ZBTB10: variants seen among roughly 807,000 people sequenced by gnomAD.
ZBTB10 encodes the protein zinc finger and BTB domain containing 10, also known as zinc finger and BTB domain-containing protein 10.
ZBTB10 carries 32 observed loss-of-function variants against 76.4 expected under a neutral mutation model. The ratio of observed to expected loss-of-function variants is 0.42; its 90% confidence interval spans 0.32 to 0.56. The LOEUF is 0.56. Ranked by LOEUF, ZBTB10 falls within the 20% of genes least tolerant of loss-of-function variation. ZBTB10 has a pLI of 0.14. For synonymous variants in ZBTB10, 523 were observed against 432.9 expected, an observed-to-expected ratio of 1.21 and a Z score of -2.58; for missense variants, 1,057 against 1,098.5, an observed-to-expected ratio of 0.96 and a Z score of 0.53.
chr8:80,486,906 C>A lies in ZBTB10; in HGVS notation c.96C>A (p.Gly32=). The A allele has an allele frequency of 6.6e-7, 1 of 1,510,332 alleles. No individual in the cohort carries two copies. Among genetic ancestry groups the A allele is most frequent in the Non-Finnish European group, 8.8e-7 (1 of 1,132,868 alleles). The allele number at this position is 1,510,332 out of a possible 1,614,324, so 93.6% of individuals were successfully genotyped here. Residue 32 remains glycine (G), a synonymous_variant, in exon 1 of 6, where the codon GGC becomes GGA. Coordinates refer to ENST00000455036, the MANE Select transcript of ZBTB10 (RefSeq NM_001105539.3). Reference sequence around the variant, plus strand: ...GCGGCTCCACGAACAATAACGCTGGCGGGGAGGCCTCAGCTTGGCCTCCGC... The same window carrying A: ...GCGGCTCCACGAACAATAACGCTGGAGGGGAGGCCTCAGCTTGGCCTCCGC... The part of the protein sequence containing the change: ...SGGGSTNNNA[G]GEASAWPPQP...
At position 80,521,138 on chromosome 8, in the gene ZBTB10, T is replaced by C. The variant is rs1225874978; in HGVS notation, c.*1610T>C. ...TTAAGAGACAAGCTTTATCATTGTC[T>C]CTGATTTCAGTAGAATAATGGTTTA... On this transcript the variant is annotated 3_prime_UTR_variant, in exon 6 of 6. Transcript: ENST00000455036. 1.3e-5 allele frequency: 2 copies of C among 151,946 alleles called. No homozygotes were observed. The highest frequency in any genetic ancestry group is 6.6e-5 in the Admixed American group (1 of 15,252). 9.4% of individuals were successfully genotyped at this position (151,946 alleles called of 1,614,324 possible).
chr8:80,487,070 C>G lies in ZBTB10; in HGVS notation c.260C>G (p.Ala87Gly). Reference sequence around the variant, plus strand: ...GCCTCCGCCGGGCCGGCCGCCGGCGCCGCCGAGGAAGCCAAGGAGTTGCTG... The same window carrying G: ...GCCTCCGCCGGGCCGGCCGCCGGCGGCGCCGAGGAAGCCAAGGAGTTGCTG... The part of the protein sequence containing the change: ...LEASAGPAAG[A>G]AEEAKELLLP... The change falls in exon 1 of 6, where the codon GCC becomes GGC. Residue 87 changes from alanine to glycine, a missense_variant. By Grantham distance (60) the Ala-to-Gly change is moderately conservative. This residue lies in a region of ZBTB10 where 556 missense variants were observed against 451.7 expected (regional missense o/e 1.23). Coordinates refer to ENST00000455036, the MANE Select transcript of ZBTB10 (RefSeq NM_001105539.3). 1 of 1,515,908 alleles carries G rather than the reference C, an allele frequency of 6.6e-7. No homozygotes were observed. 93.9% of individuals were successfully genotyped at this position (1,515,908 alleles called of 1,614,324 possible).
At position 80,486,586 on chromosome 8, in the gene ZBTB10, G is replaced by T. The variant is rs1743956515; in HGVS notation, c.-225G>T. 2 of 986,804 alleles carry T rather than the reference G, an allele frequency of 2.0e-6. No homozygotes were observed. Among genetic ancestry groups the T allele is most frequent in the Non-Finnish European group, 2.4e-6 (2 of 831,172 alleles). 61.1% of individuals were successfully genotyped at this position (986,804 alleles called of 1,614,324 possible). ...GGCGGGGGTGGAGGACGAGAGAGCGGTCGGAGGCGTCGGCCCGGCAGCGGC... is the reference window on the plus strand; with the variant it reads ...GGCGGGGGTGGAGGACGAGAGAGCGTTCGGAGGCGTCGGCCCGGCAGCGGC... On this transcript the variant is annotated 5_prime_UTR_variant, in exon 1 of 6. Transcript: ENST00000455036.
rs968422939 is a variant in ZBTB10, at chr8:80,486,474, C to G, written c.-337C>G. 2.0e-6 allele frequency: 2 copies of G among 985,124 alleles called. No homozygotes were observed. Among genetic ancestry groups the G allele is most frequent in the Admixed American group, 6.1e-5 (1 of 16,274 alleles). The allele number at this position is 985,124 out of a possible 1,614,324, so 61.0% of individuals were successfully genotyped here. On this transcript the variant is annotated 5_prime_UTR_variant, in exon 1 of 6. Transcript: ENST00000455036. ...CTCCCCGCACTCCGCTGCTCAACTT[C>G]GAAGGCCTCGCTCGCTGCAGGCTCG...
chr8:80,518,260 G>A, intron 3 of ZBTB10, 143 bp from the exon 4 acceptor site: 1 of 767,008 alleles, frequency 1.3e-6, no homozygotes, highest in Non-Finnish European at 1.9e-6. Flanking sequence ...CTCAATTTTA[G>A]ACTAAAATAC....
At chr8:80,491,962 A>C (rs987299802) in intron 1 of ZBTB10, among the ~76,000 whole-genome samples, 1 of 152,226 alleles carries the variant, frequency 6.6e-6, no homozygotes, top group Non-Finnish European at 1.5e-5. Flanking sequence ...GTTGGAATAT[A>C]TTGATGTCAG....
intron 1 of ZBTB10, among the ~76,000 whole-genome samples, chr8:80,493,993 C>A (rs975219993): frequency 6.1e-4 from 93 of 152,310 alleles, no homozygotes; most frequent in African/African-American, 2.2e-3. Context: ...GTCTTTTTCT[C>A]TACCAACTGT....
At chr8:80,516,521 A>G (rs1816329302) in intron 3 of ZBTB10, among the ~76,000 whole-genome samples, 2 of 152,190 alleles carry the variant, frequency 1.3e-5, no homozygotes, top group South Asian at 2.1e-4. Context: ...ACAGGCTACC[A>G]CTTCCGTTCC....
chr8:80,518,491 C>G lies in ZBTB10; in HGVS notation c.2049C>G (p.Phe683Leu). The change falls in exon 4 of 6, where the codon TTC becomes TTG. Residue 683 changes from phenylalanine to leucine, a missense_variant. Physicochemically the swap from Phe to Leu is conservative, Grantham distance 22. Coordinates refer to ENST00000455036, the MANE Select transcript of ZBTB10 (RefSeq NM_001105539.3). Reference protein sequence around the residue: ...YGLIPGTSNDFKYGLIPGASN... With the variant: ...YGLIPGTSNDLKYGLIPGASN... ...TGATACCAGGTACTTCAAATGATTT[C>G]AAGTATGGATTGATACCAGGTGCTT... 2 of 1,553,396 alleles carry G rather than the reference C, an allele frequency of 1.3e-6. No individual in the cohort carries two copies.
At chr8:80,510,466 A>G (rs1206171106) in intron 2 of ZBTB10, among the ~76,000 whole-genome samples, 1 of 152,244 alleles carries the variant, frequency 6.6e-6, no homozygotes, top group Non-Finnish European at 1.5e-5. Context: ...TGCCGGATGC[A>G]TACAATCCAT....
In ZBTB10 at chr8:80,500,164, A is replaced by G. The variant is rs200512854; in HGVS notation, c.1643A>G (p.Glu548Gly). 208 of 1,612,700 alleles carry G rather than the reference A, an allele frequency of 1.3e-4. 1 individual carries two copies. Among genetic ancestry groups the G allele is most frequent in the South Asian group, 1.9e-4 (17 of 90,946 alleles). ...WVQDGSPEMA[E>G]NESEGQTKVF... ...CAGGATGGATCTCCTGAAATGGCTG[A>G]AAATGAATCTGAAGGTCAAACAAAA... Residue 548 changes from glutamate to glycine, a missense_variant, in exon 2 of 6, where the codon GAA (glutamate) becomes GGA (glycine). Glu to Gly is a moderately conservative substitution (Grantham distance 98, BLOSUM62 -2). Around this residue, in one of 5 missense-constraint regions of ZBTB10, gnomAD observed 306 missense variants for 297.5 expected, o/e 1.03. Coordinates refer to ENST00000455036, the MANE Select transcript of ZBTB10 (RefSeq NM_001105539.3).
At chr8:80,493,196 C>CAAGACT (rs1563457094) in intron 1 of ZBTB10, among the ~76,000 whole-genome samples, 1 of 106,774 alleles carries the variant, frequency 9.4e-6, no homozygotes, top group Non-Finnish European at 1.9e-5. Flanking sequence ...CCTCAAAACG[C>CAAGACT]GCGCGCGCGC....
At position 80,519,626 on chromosome 8, in the gene ZBTB10, C is replaced by A; in HGVS notation, c.*98C>A. ...GAAGGCTTGCAAAATATGGTACATG[C>A]TGGATAGTAGTTATGTTGCTGTGAA... On this transcript the variant is annotated 3_prime_UTR_variant, in exon 6 of 6. Coordinates refer to ENST00000455036, the MANE Select transcript of ZBTB10 (RefSeq NM_001105539.3). 7.6e-7 allele frequency: 1 copy of A among 1,311,456 alleles called. No individual in the cohort carries two copies. Among genetic ancestry groups the A allele is most frequent in the Non-Finnish European group, 1.0e-6 (1 of 969,562 alleles). 81.2% of individuals were successfully genotyped at this position (1,311,456 alleles called of 1,614,324 possible). A position where few individuals can be genotyped will look rare whatever the true frequency, so the allele number is the denominator to read the frequency against.
At position 80,491,810 on chromosome 8, in the gene ZBTB10, A is replaced by C. The variant is rs114862876; in HGVS notation, c.972+4028A>C. ...TTAGACCACTTTCTACCTAATTGTG[A>C]AATTTTCATAGCCTAAATCACACAT... On this transcript the variant is annotated intron_variant, in intron 1 of 5. Transcript: ENST00000455036. 6.8e-3 allele frequency among the ~76,000 whole-genome samples: 1,032 copies of C among 152,344 alleles called. 9 individuals carry two copies. The highest frequency in any genetic ancestry group is 0.023 in the African/African-American group (973 of 41,582).
At chr8:80,501,193 A>G (rs765863583) in intron 2 of ZBTB10, among the ~76,000 whole-genome samples, 1 of 152,154 alleles carries the variant, frequency 6.6e-6, no homozygotes, top group Non-Finnish European at 1.5e-5. Context: ...TGTTCTCACC[A>G]TAGAAGCTAT....
intron 1 of ZBTB10, among the ~76,000 whole-genome samples, chr8:80,493,652 A>G (rs751631927): frequency 6.7e-6 from 1 of 149,000 alleles, no homozygotes; most frequent in Non-Finnish European, 1.5e-5. Context: ...CCCCGTCTCT[A>G]ATTTAAAAAC....
intron 1 of ZBTB10, among the ~76,000 whole-genome samples, chr8:80,497,158 A>G (rs185393690): frequency 2.0e-5 from 3 of 152,190 alleles, no homozygotes; most frequent in Non-Finnish European, 4.4e-5. Context: ...ACATTTTCAC[A>G]CAAGTCCTAA....
rs904383928 is a variant in ZBTB10 at position 80,523,693 on chromosome 8, G to GATAA, written c.*4166_*4169dup. On this transcript the variant is annotated 3_prime_UTR_variant, in exon 6 of 6. Transcript: ENST00000455036. ...TCTAGATAGTTTAAAATGTGTTAGG[G>GATAA]ATAAGCACACTTCAAAAGATGTTTT... 15 of 151,846 alleles carry GATAA rather than the reference G, an allele frequency of 9.9e-5. No homozygotes were observed. The highest frequency in any genetic ancestry group is 1.9e-4 in the Non-Finnish European group (13 of 67,820). 9.4% of individuals were successfully genotyped at this position (151,846 alleles called of 1,614,324 possible).
chr8:80,519,461 G>GA lies in ZBTB10; in HGVS notation c.2550dup (p.Glu851ArgfsTer5). 6.2e-7 allele frequency: 1 copy of GA among 1,612,494 alleles called. No individual in the cohort carries two copies. The highest frequency in any genetic ancestry group is 1.1e-5 in the South Asian group (1 of 90,654). On this transcript the variant is annotated frameshift_variant, in exon 6 of 6. Coordinates refer to ENST00000455036, the MANE Select transcript of ZBTB10 (RefSeq NM_001105539.3). LOFTEE classifies it high-confidence loss of function. ...GCTGATGAAGAGCTAGTTGATGATGGAGAAGATCAGAATGATCCCTCTCGA... is the reference window on the plus strand; with the variant it reads ...GCTGATGAAGAGCTAGTTGATGATGGAAGAAGATCAGAATGATCCCTCTCGA...
Sources: gnomAD v4.1 joint callset for allele counts (sites outside exome capture counted in the v4.1 genomes callset) on GRCh38, gnomAD v4.1.1 for gene constraint, gnomAD v4.1.1 regional missense constraint, MANE v1.5 for transcripts, NCBI Gene and HGNC (gene_info 2026-07-23, HGNC 2026-07-21) for gene names.